The following IMMP2L variants were observed in gnomAD, a reference collection of about 807,000 sequenced individuals.
The protein encoded by IMMP2L is mitochondrial inner membrane protease subunit 2.
A neutral mutation model predicts 19.3 loss-of-function variants in IMMP2L; 18 were observed. The observed-to-expected ratio is 0.93, with a 90% CI of 0.64 to 1.38. The LOEUF (loss-of-function observed/expected upper bound fraction) is 1.38. Among genes scored for constraint, IMMP2L ranks in the 40% most tolerant of loss-of-function variants. The pLI, the probability that IMMP2L is intolerant of heterozygous loss-of-function variation, is 0.00. For missense variants in IMMP2L, 233 were observed against 218.2 expected (o/e 1.07, Z -0.43); for synonymous variants, 76 against 73.0 (o/e 1.04, Z -0.21).
At chr7:111,121,710 C>T (rs1680052477) in intron 3 of IMMP2L, among the ~76,000 whole-genome samples, 1 of 152,134 alleles carries the variant, frequency 6.6e-6, no homozygotes, top group South Asian at 2.1e-4. Flanking sequence ...TACCATTTGA[C>T]CCAGCCAACC....
At chr7:111,143,574 T>C (rs979390101) in intron 3 of IMMP2L, among the ~76,000 whole-genome samples, 1 of 152,146 alleles carries the variant, frequency 6.6e-6, no homozygotes, top group African/African-American at 2.4e-5. Context: ...TAGCAATCCA[T>C]TTTCCTTTGC....
chr7:111,407,442 G>A (rs1258668185), intron 3 of IMMP2L, among the ~76,000 whole-genome samples: 2 of 151,956 alleles, frequency 1.3e-5, no homozygotes, highest in South Asian at 2.1e-4. Flanking sequence ...ACAAAATGAG[G>A]TGCATCTAAA....
Position 110,706,694 on chromosome 7 carries a change from G to T in IMMP2L, c.409-42973C>A, listed in dbSNP as rs989238131. On this transcript the variant is annotated intron_variant, in intron 5 of 5. Coordinates refer to ENST00000405709, the MANE Select transcript of IMMP2L (RefSeq NM_032549.4). ...TGTCTTTTGCCCACTTTTTAATGGG[G>T]TTGTTTTTGCTTGTTGATTTCCTTA... Among the ~76,000 whole-genome samples the T allele has an allele frequency of 1.8e-4, 28 of 151,988 alleles. 1 individual carries two copies. Among genetic ancestry groups the T allele is most frequent in the African/African-American group, 6.8e-4 (28 of 41,388 alleles).
rs1270742473 is a variant in IMMP2L, at chr7:111,281,256, AG to A, written c.239+205981del. On this transcript the variant is annotated intron_variant, in intron 3 of 5. Transcript: ENST00000405709. ...AGAAAGAAAGAAAGAAGAGAGAGAG[AG>A]AAAGAGAGAGAGAAAGAAAGAGAAG... 1.2e-4 allele frequency among the ~76,000 whole-genome samples: 17 copies of A among 137,286 alleles called. 1 individual carries two copies. The highest frequency in any genetic ancestry group is 1.9e-4 in the Non-Finnish European group (12 of 64,300). 90.1% of individuals were successfully genotyped at this position (137,286 alleles called of 152,430 possible). A position where few individuals can be genotyped will look rare whatever the true frequency, so the allele number is the denominator to read the frequency against.
Position 111,109,133 on chromosome 7 carries a change from A to T in IMMP2L, c.240-145568T>A, listed in dbSNP as rs529444119. 1.7e-4 allele frequency among the ~76,000 whole-genome samples: 26 copies of T among 152,322 alleles called. No homozygotes were observed. The South Asian group carries it at 5.0e-3, about 29-fold the overall frequency. ...AAGTAAGGTGGTCCGTAAATAAGGTATTATCAAGAAGAATTAAAGACCAAA... is the reference window on the plus strand; with the variant it reads ...AAGTAAGGTGGTCCGTAAATAAGGTTTTATCAAGAAGAATTAAAGACCAAA... On this transcript the variant is annotated intron_variant, in intron 3 of 5. Coordinates refer to ENST00000405709, the MANE Select transcript of IMMP2L (RefSeq NM_032549.4).
At chr7:111,513,177 C>T (rs1329382984) in intron 2 of IMMP2L, among the ~76,000 whole-genome samples, 1 of 151,724 alleles carries the variant, frequency 6.6e-6, no homozygotes, top group Non-Finnish European at 1.5e-5. Flanking sequence ...GGTAAAGAGA[C>T]AATCTATGGA....
chr7:111,178,333 G>T (rs1363257434), intron 3 of IMMP2L, among the ~76,000 whole-genome samples: 1 of 152,022 alleles, frequency 6.6e-6, no homozygotes, highest in Non-Finnish European at 1.5e-5. Context: ...TCATCTGAGC[G>T]TTCGGCCAGT....
At chr7:111,501,620 A>G (rs959433250) in intron 2 of IMMP2L, among the ~76,000 whole-genome samples, 5 of 152,196 alleles carry the variant, frequency 3.3e-5, no homozygotes, top group African/African-American at 1.2e-4. Context: ...CAAACAGCGG[A>G]TCTCTCAGCA....
intron 3 of IMMP2L, among the ~76,000 whole-genome samples, chr7:110,994,636 T>C (rs1463899082): frequency 6.6e-6 from 1 of 152,158 alleles, no homozygotes; most frequent in Non-Finnish European, 1.5e-5. Flanking sequence ...TTCTCCTCCA[T>C]GTCCCCTCCT....
At chr7:111,432,140 C>T (rs1234586756) in intron 3 of IMMP2L, among the ~76,000 whole-genome samples, 1 of 151,572 alleles carries the variant, frequency 6.6e-6, no homozygotes, top group African/African-American at 2.4e-5. Context: ...TGCCCTAAAC[C>T]TGTGGGATCT....
At chr7:111,268,595 T>C (rs1420401318) in intron 3 of IMMP2L, among the ~76,000 whole-genome samples, 1 of 55,918 alleles carries the variant, frequency 1.8e-5, no homozygotes, top group African/African-American at 5.9e-5. Context: ...TTTTTTTTTT[T>C]TTTTTTTTTT....
chr7:111,555,516 T>C (rs998449312), intron 1 of IMMP2L, among the ~76,000 whole-genome samples: 4 of 152,080 alleles, frequency 2.6e-5, no homozygotes, highest in African/African-American at 9.7e-5. Context: ...ACATCTCCCT[T>C]TCTATGGTGT....
At chr7:110,679,360 A>T (rs916820842) in intron 5 of IMMP2L, among the ~76,000 whole-genome samples, 12 of 152,166 alleles carry the variant, frequency 7.9e-5, no homozygotes. Flanking sequence ...ACTATTCAAC[A>T]ATAATCCAAG....
chr7:111,077,984 G>A (rs1484602800), intron 3 of IMMP2L, among the ~76,000 whole-genome samples: 1 of 152,136 alleles, frequency 6.6e-6, no homozygotes, highest in African/African-American at 2.4e-5. Flanking sequence ...TTCTAAGGCT[G>A]AACCTCTTTA....
chr7:111,314,381 C>T (rs1041043299), intron 3 of IMMP2L, among the ~76,000 whole-genome samples: 7 of 151,564 alleles, frequency 4.6e-5, no homozygotes, highest in South Asian at 2.1e-4. Context: ...AGGAATATGC[C>T]GAAGAAAAGG....
At chr7:111,539,180 GAAGGAAGGAAGGAGGGAGAAAGAA>G (rs1563330269) in intron 1 of IMMP2L, among the ~76,000 whole-genome samples, 35 of 68,240 alleles carry the variant, frequency 5.1e-4, no homozygotes, top group South Asian at 2.6e-3. Flanking sequence ...AGGAAGGAAG[GAAGGAAGGAAGGAGGGAGAAAGAA>G]AGAAAGAAAG....
At chr7:111,557,257 C>T (rs556771664) in intron 1 of IMMP2L, among the ~76,000 whole-genome samples, 6 of 152,232 alleles carry the variant, frequency 3.9e-5, no homozygotes, top group African/African-American at 1.2e-4. Context: ...ACCCAGCACA[C>T]TGCTTTCAGT....
At chr7:111,126,253 A>G (rs1243367707) in intron 3 of IMMP2L, among the ~76,000 whole-genome samples, 2 of 152,212 alleles carry the variant, frequency 1.3e-5, no homozygotes, top group East Asian at 3.9e-4. Flanking sequence ...ATAACTTAAT[A>G]ATTTACTATA....
intron 3 of IMMP2L, among the ~76,000 whole-genome samples, chr7:111,321,850 T>G (rs1161172036): frequency 1.3e-5 from 2 of 152,000 alleles, no homozygotes; most frequent in Non-Finnish European, 2.9e-5. Context: ...AGCATGTCTT[T>G]TCAAAGGACT....
Sources: gnomAD v4.1 joint callset for allele counts (sites outside exome capture counted in the v4.1 genomes callset) on GRCh38, gnomAD v4.1.1 for gene constraint, MANE v1.5 for transcripts, NCBI Gene and HGNC (gene_info 2026-07-23, HGNC 2026-07-21) for gene names.